The following OTUD7A variants were observed in gnomAD, a reference collection of about 807,000 sequenced individuals.
The protein encoded by OTUD7A is OTU deubiquitinase 7A.
In OTUD7A, 12 loss-of-function variants were observed where a neutral mutation model predicts 65.7. The ratio of observed to expected loss-of-function variants is 0.18; its 90% CI spans 0.12 to 0.30. OTUD7A has a LOEUF of 0.30. OTUD7A is among the 10% of genes least tolerant of loss of function. OTUD7A has a pLI of 1.00. For missense variants in OTUD7A, 1,148 were observed against 1,304.8 expected (o/e 0.88, Z 1.85); for synonymous variants, 641 against 586.3 (o/e 1.09, Z -1.35).
rs2041127763 is a variant in OTUD7A at position 31,481,984 on chromosome 15, C to T, written c.*1310G>A. On this transcript the variant is annotated 3_prime_UTR_variant, in exon 13 of 13. Transcript: ENST00000307050. ...CCATCTTATCCTCATTTCTTGGAAA[C>T]AAGCTCGTTCCTTAGTGAGGCAGAT... is the stretch of plus-strand genomic sequence containing the variant. The T allele has an allele frequency of 1.3e-5, 2 of 152,236 alleles. No individual in the cohort carries two copies. 9.4% of individuals were successfully genotyped at this position (152,236 alleles called of 1,614,324 possible). A position where few individuals can be genotyped will look rare whatever the true frequency, so the allele number is the denominator to read the frequency against.
At chr15:31,604,492 T>C (rs1469226468) in intron 3 of OTUD7A, among the ~76,000 whole-genome samples, 3 of 152,086 alleles carry the variant, frequency 2.0e-5, no homozygotes, top group African/African-American at 7.2e-5. Context: ...ATACCTAATG[T>C]AGATGACGGG....
rs1226294573 is a variant in OTUD7A, at chr15:31,503,734, G to T, written c.978C>A (p.Ile326=). 6.2e-7 allele frequency: 1 copy of T among 1,614,094 alleles called. No homozygotes were observed. Among genetic ancestry groups the T allele is most frequent in the Admixed American group, 1.7e-5 (1 of 60,022 alleles). Residue 326 remains isoleucine (I), a synonymous_variant, in exon 9 of 13, where the codon ATC becomes ATA. Transcript: ENST00000307050. ...FVLAHILRRP[I]VVVADTMLRD... is the part of the protein sequence containing the mutation. ...TTAACATTGTATCTGCCACAACAAC[G>T]ATGGGCCTTCTTAATATATGGGCTA... is the stretch of plus-strand genomic sequence containing the variant.
chr15:31,506,374 T>C (rs936173742), intron 8 of OTUD7A, among the ~76,000 whole-genome samples: 10 of 152,232 alleles, frequency 6.6e-5, no homozygotes, highest in Non-Finnish European at 1.3e-4. Context: ...TTTAAATTCA[T>C]ACTTACCAGA....
chr15:31,584,436 G>T (rs755726754), intron 3 of OTUD7A, among the ~76,000 whole-genome samples: 1 of 152,086 alleles, frequency 6.6e-6, no homozygotes, highest in Non-Finnish European at 1.5e-5. Context: ...CAACTGACCC[G>T]CCCTGGGCTC....
At chr15:31,841,423 C>G (rs571724811) in intron 1 of OTUD7A, among the ~76,000 whole-genome samples, 9 of 152,270 alleles carry the variant, frequency 5.9e-5, no homozygotes, top group Admixed American at 3.3e-4. Flanking sequence ...AAGGAAGCCT[C>G]GAGGACACAT....
At chr15:31,753,706 A>ATATATATATATTATATATATATAT (rs1894717305) in intron 1 of OTUD7A, among the ~76,000 whole-genome samples, 1 of 70,760 alleles carries the variant, frequency 1.4e-5, no homozygotes, top group African/African-American at 7.3e-5. Context: ...TATATATTAT[A>ATATATATATATTATATATATATAT]TATATATATA....
chr15:31,860,697 A>ATATATATATATATATATATATATATATG (rs1417556267), intron 1 of OTUD7A, among the ~76,000 whole-genome samples: 1 of 129,758 alleles, frequency 7.7e-6, no homozygotes, highest in Non-Finnish European at 1.6e-5. Flanking sequence ...ATATATATAT[A>ATATATATATATATATATATATATATATG]TATGTATGTA....
chr15:31,731,868 A>T (rs1364573993), intron 1 of OTUD7A, among the ~76,000 whole-genome samples: 1 of 152,208 alleles, frequency 6.6e-6, no homozygotes, highest in African/African-American at 2.4e-5. Context: ...AACTGCACTA[A>T]AAGTAAAGTG....
chr15:31,643,307 C>A (rs1442542920), intron 3 of OTUD7A, among the ~76,000 whole-genome samples: 2 of 152,072 alleles, frequency 1.3e-5, no homozygotes, highest in Non-Finnish European at 2.9e-5. Context: ...TTTAATATTT[C>A]TTTACTTCTA....
At chr15:31,630,150 C>T (rs1039148258) in intron 3 of OTUD7A, among the ~76,000 whole-genome samples, 2 of 148,328 alleles carry the variant, frequency 1.3e-5, no homozygotes, top group Non-Finnish European at 3.0e-5. Context: ...AATGTGTTTG[C>T]TCTTGCTTTT....
chr15:31,610,617 A>ATATATATATATATATATTTTTTTT, intron 3 of OTUD7A, among the ~76,000 whole-genome samples: 1 of 30,558 alleles, frequency 3.3e-5, no homozygotes, highest in African/African-American at 1.7e-4. Context: ...ATATATATAT[A>ATATATATATATATATATTTTTTTT]TTTTTTTTTT....
chr15:31,634,278 A>T (rs1455501089), intron 3 of OTUD7A, among the ~76,000 whole-genome samples: 4 of 152,282 alleles, frequency 2.6e-5, no homozygotes, highest in Non-Finnish European at 4.4e-5. Context: ...AAGCAAACTA[A>T]AAAGAGAAAA....
At chr15:31,718,324 G>A (rs938010013) in intron 1 of OTUD7A, among the ~76,000 whole-genome samples, 7 of 152,126 alleles carry the variant, frequency 4.6e-5, no homozygotes, top group African/African-American at 1.7e-4. Context: ...GCAACAATTA[G>A]CACTTGGTGG....
intron 3 of OTUD7A, among the ~76,000 whole-genome samples, chr15:31,615,828 C>T (rs1292821562): frequency 6.6e-6 from 1 of 152,224 alleles, no homozygotes; most frequent in African/African-American, 2.4e-5. Flanking sequence ...CCAACAGAGA[C>T]CCCACAGGCA....
chr15:31,766,699 T>C lies in OTUD7A; in HGVS notation c.-100+103808A>G. ...CTTGCATTTCCCATTACACAACTCC[T>C]CTTGGTCTTGAACAATCAAAGTAGA... On this transcript the variant is annotated intron_variant, in intron 1 of 12. Transcript: ENST00000307050. 1.9e-6 allele frequency: 3 copies of C among 1,608,708 alleles called. No individual in the cohort carries two copies. In the South Asian group the frequency reaches 3.3e-5, roughly 18 times the overall value.
Position 31,483,973 on chromosome 15 carries a change from T to G in OTUD7A, c.2123A>C (p.Glu708Ala), listed in dbSNP as rs2041184974. The change falls in exon 13 of 13, where the codon GAG (glutamate) becomes GCG (alanine). Residue 708 changes from glutamate (E) to alanine (A), a missense_variant. Physicochemically the swap from Glu to Ala is moderately radical, Grantham distance 107. Around this residue, in one of 6 missense-constraint regions of OTUD7A, gnomAD observed 842 missense variants for 769.5 expected, o/e 1.09. Coordinates refer to ENST00000307050, the MANE Select transcript of OTUD7A (RefSeq NM_001382637.1). Reference sequence around the variant, plus strand: ...GGCGCGCTCCGGGACCGGCACGCCCTCCGTCTCCGGTCTGCGCGGCGGCCG... The same window carrying G: ...GGCGCGCTCCGGGACCGGCACGCCCGCCGTCTCCGGTCTGCGCGGCGGCCG... ...AKRPPRRPET[E>A]GVPVPERASP... 2 of 1,143,300 alleles carry G rather than the reference T, an allele frequency of 1.7e-6. No homozygotes were observed. The highest frequency in any genetic ancestry group is 1.1e-6 in the Non-Finnish European group (1 of 925,070). 70.8% of individuals were successfully genotyped at this position (1,143,300 alleles called of 1,614,324 possible).
chr15:31,532,154 C>T (rs1237269267), intron 5 of OTUD7A, among the ~76,000 whole-genome samples: 1 of 152,028 alleles, frequency 6.6e-6, no homozygotes, highest in East Asian at 1.9e-4. Context: ...ATACCAAGAA[C>T]CAGGAAGATT....
At chr15:31,580,344 C>G (rs1160238812) in intron 3 of OTUD7A, among the ~76,000 whole-genome samples, 1 of 152,076 alleles carries the variant, frequency 6.6e-6, no homozygotes, top group African/African-American at 2.4e-5. Context: ...ACCTCAAAGG[C>G]AAAGATGAGT....
intron 9 of OTUD7A, among the ~76,000 whole-genome samples, chr15:31,502,756 T>G (rs895024662): frequency 6.6e-6 from 1 of 152,186 alleles, no homozygotes; most frequent in Non-Finnish European, 1.5e-5. Context: ...AGTGCCCTGA[T>G]GCAAGCCCTG....
Sources: allele counts gnomAD v4.1 joint callset (sites outside exome capture counted in the v4.1 genomes callset), GRCh38; gene constraint gnomAD v4.1.1; regional missense constraint gnomAD v4.1.1; transcripts MANE v1.5; gene names NCBI Gene and HGNC (gene_info 2026-07-23, HGNC 2026-07-21).